The following INTS4 variants were observed in gnomAD, a reference collection of about 807,000 sequenced individuals.
INTS4 encodes MSTP093.
In INTS4, 70 loss-of-function variants were observed where a neutral mutation model predicts 119.5. The ratio of observed to expected loss-of-function variants is 0.59; its 90% confidence interval spans 0.48 to 0.71. The LOEUF is 0.71. INTS4 is among the 30% of genes least tolerant of loss of function. The probability of loss-of-function intolerance (pLI) is 0.00; values close to 1 mark genes in which losing one functional copy is unlikely to be tolerated. For missense variants in INTS4, 867 were observed against 1,173.2 expected (o/e 0.74, Z 3.81); for synonymous variants, 316 against 419.6 (o/e 0.75, Z 3.02).
chr11:77,955,610 C>T (rs1030614279), intron 8 of INTS4, among the ~76,000 whole-genome samples: 3 of 152,046 alleles, frequency 2.0e-5, no homozygotes, highest in Non-Finnish European at 4.4e-5. Context: ...ATTCTCCTGC[C>T]TCAGCCTCCC....
intron 8 of INTS4, among the ~76,000 whole-genome samples, chr11:77,948,667 A>C (rs1483283568): frequency 1.2e-5 from 1 of 85,016 alleles, no homozygotes; most frequent in Admixed American, 1.2e-4. Flanking sequence ...AAAAAAAAAA[A>C]CAAAAAAAAA....
intron 7 of INTS4, among the ~76,000 whole-genome samples, chr11:77,957,552 A>C (rs1194228366): frequency 6.6e-6 from 1 of 151,874 alleles, no homozygotes; most frequent in African/African-American, 2.4e-5. Context: ...CCTGCCTTAA[A>C]AAAAAAAGTA....
At chr11:77,977,108 AAAAT>A (rs1405598335) in intron 4 of INTS4, among the ~76,000 whole-genome samples, 1 of 152,104 alleles carries the variant, frequency 6.6e-6, no homozygotes, top group Admixed American at 6.5e-5. Context: ...AAATAAAATA[AAAAT>A]AAAAATAAAT....
chr11:77,960,991 G>C lies in INTS4; in HGVS notation c.619C>G (p.Gln207Glu). The C allele has an allele frequency of 6.2e-7, 1 of 1,613,060 alleles. No individual in the cohort carries two copies. The highest frequency in any genetic ancestry group is 8.5e-7 in the Non-Finnish European group (1 of 1,179,592). Residue 207 changes from glutamine to glutamate, a missense_variant, in exon 5 of 23, where the codon CAA becomes GAA. Physicochemically the swap from Gln to Glu is conservative, Grantham distance 29 (BLOSUM62 2). Coordinates refer to ENST00000534064, the MANE Select transcript of INTS4 (RefSeq NM_033547.4). ...GCTGCTGTTCTGACACGTGGGTCTT[G>C]GTCACTGAAGTAATCCCCTATAATC... is the stretch of plus-strand genomic sequence containing the variant. ...QKIIGDYFSD[Q>E]DPRVRTAAIK...
chr11:77,923,721 G>A (rs1025718480), intron 12 of INTS4, among the ~76,000 whole-genome samples: 2 of 151,106 alleles, frequency 1.3e-5, no homozygotes, highest in African/African-American at 2.4e-5. Flanking sequence ...AAACTATAAG[G>A]AACTATAAAA....
At chr11:77,966,663 G>A (rs745574351) in intron 4 of INTS4, among the ~76,000 whole-genome samples, 7 of 152,136 alleles carry the variant, frequency 4.6e-5, no homozygotes, top group Admixed American at 6.6e-5. Context: ...TTTTATGCCA[G>A]TACCATGTTG....
chr11:77,889,048 C>T (rs1480235090), intron 21 of INTS4, among the ~76,000 whole-genome samples: 3 of 152,142 alleles, frequency 2.0e-5, no homozygotes, highest in Non-Finnish European at 4.4e-5. Context: ...CTAGAAATAC[C>T]ATTTGACCCA....
rs201190994 is a variant in INTS4 at position 77,879,145 on chromosome 11, G to A, written c.2714-18C>T. On this transcript the variant is annotated intron_variant, in intron 22 of 22. Transcript: ENST00000534064. ...GCATGCCTCTGAAAAAAAGATAAAA[G>A]AAATCCTCTATAACTAGGCAACTGC... The A allele has an allele frequency of 6.2e-7, 1 of 1,613,482 alleles. No individual in the cohort carries two copies. The highest frequency in any genetic ancestry group is 1.7e-5 in the Admixed American group (1 of 59,902).
intron 19 of INTS4, 134 bp downstream of exon 19, chr11:77,894,156 A>G (rs1312952857): frequency 3.7e-6 from 2 of 541,878 alleles, no homozygotes; most frequent in African/African-American, 4.0e-5. Context: ...AAGGTTAACG[A>G]CATGGCCACA....
chr11:77,980,647 G>A (rs771383379), intron 3 of INTS4, among the ~76,000 whole-genome samples: 16 of 152,066 alleles, frequency 1.1e-4, no homozygotes, highest in Non-Finnish European at 2.4e-4. Flanking sequence ...CCAAAGTTTT[G>A]GTATTACAGG....
intron 18 of INTS4, among the ~76,000 whole-genome samples, chr11:77,894,715 C>T (rs1223593020): frequency 6.6e-6 from 1 of 152,186 alleles, no homozygotes; most frequent in Non-Finnish European, 1.5e-5. Flanking sequence ...CTAGTATGGT[C>T]TCTATACCTA....
chr11:77,883,068 C>T (rs1372868466), intron 22 of INTS4, among the ~76,000 whole-genome samples: 2 of 109,666 alleles, frequency 1.8e-5, no homozygotes, highest in Non-Finnish European at 3.6e-5. Flanking sequence ...AGCAAGACTC[C>T]GTCTCAAAAT....
chr11:77,895,456 AAAATGGG>A (rs1952469408), intron 18 of INTS4, among the ~76,000 whole-genome samples: 2 of 151,346 alleles, frequency 1.3e-5, no homozygotes, highest in African/African-American at 4.9e-5. Flanking sequence ...GAATGAACAA[AAAATGGG>A]GCCGGGGGTA....
chr11:77,886,598 CGAGAT>C (rs1012051653), intron 21 of INTS4, among the ~76,000 whole-genome samples: 18 of 151,662 alleles, frequency 1.2e-4, no homozygotes, highest in Admixed American at 1.2e-3. Context: ...AATGGATGAA[CGAGAT>C]TCCCACTGTC....
At chr11:77,885,919 C>A (rs972434941) in intron 21 of INTS4, among the ~76,000 whole-genome samples, 4 of 152,094 alleles carry the variant, frequency 2.6e-5, no homozygotes, top group African/African-American at 9.7e-5. Context: ...TTTCTGTGTT[C>A]AGCAGGTGCA....
Position 77,957,637 on chromosome 11 carries a change from GTTT to G in INTS4, c.797+1106_797+1108del. ...TCCACCGAATATTTCATATCCTTAA[GTTT>G]ATTATCTTCTGTAACTGAACTTCTT... On this transcript the variant is annotated intron_variant, in intron 7 of 22. Coordinates refer to ENST00000534064, the MANE Select transcript of INTS4 (RefSeq NM_033547.4). Among the ~76,000 whole-genome samples, 3 of 109,366 alleles carry G rather than the reference GTTT, an allele frequency of 2.7e-5. No homozygotes were observed. The South Asian group carries it at 9.3e-4, about 34-fold the overall frequency. The allele number at this position is 109,366 out of a possible 152,430, so 71.7% of individuals were successfully genotyped here.
At chr11:77,981,644 A>G (rs565903724) in intron 2 of INTS4, 68 bp from the exon 3 acceptor site, 3 of 703,284 alleles carry the variant, frequency 4.3e-6, no homozygotes, top group Non-Finnish European at 7.0e-6. Flanking sequence ...AGGAACATGG[A>G]AAACTAACAT....
At chr11:77,919,002 T>G in intron 14 of INTS4, 24 bp from the exon 15 acceptor site, 1 of 1,612,898 alleles carries the variant, frequency 6.2e-7, no homozygotes, top group Non-Finnish European at 8.5e-7. Flanking sequence ...GATTACAGAG[T>G]CATTAAGTTT....
At chr11:77,987,986 T>C (rs536131537) in intron 2 of INTS4, among the ~76,000 whole-genome samples, 1 of 152,322 alleles carries the variant, frequency 6.6e-6, no homozygotes, top group East Asian at 1.9e-4. Context: ...TGAAACCTCA[T>C]CTCTATCAAA....
Sources: allele counts gnomAD v4.1 joint callset (sites outside exome capture counted in the v4.1 genomes callset), GRCh38; gene constraint gnomAD v4.1.1; transcripts MANE v1.5; gene names NCBI Gene and HGNC (gene_info 2026-07-23, HGNC 2026-07-21).